The following MYT1L variants were observed in gnomAD, a reference collection of about 807,000 sequenced individuals.
The protein encoded by MYT1L is myelin transcription factor 1-like protein.
A neutral mutation model predicts 126.7 loss-of-function variants in MYT1L; 12 were observed. That is an observed-to-expected ratio of 0.09 (90% CI 0.06 to 0.15). The LOEUF (loss-of-function observed/expected upper bound fraction) is 0.15. Ranked by LOEUF, MYT1L falls within the 10% of genes least tolerant of loss-of-function variation. MYT1L has a pLI of 1.00. For missense variants in MYT1L, 979 were observed against 1,585.2 expected (o/e 0.62, Z 6.49); for synonymous variants, 541 against 604.2 (o/e 0.90, Z 1.53).
chr2:2,079,732 G>A (rs796273593), intron 3 of MYT1L, among the ~76,000 whole-genome samples: 18 of 152,130 alleles, frequency 1.2e-4, no homozygotes, highest in African/African-American at 2.4e-4. Context: ...GCGTGAACCC[G>A]GGAGGCGGAG....
At position 1,917,249 on chromosome 2, in the gene MYT1L, C is replaced by T. The variant is rs753426087; in HGVS notation, c.1574G>A (p.Arg525His). The T allele has an allele frequency of 6.2e-7, 1 of 1,613,608 alleles. No homozygotes were observed. Among genetic ancestry groups the T allele is most frequent in the South Asian group, 1.1e-5 (1 of 91,050 alleles). The change falls in exon 11 of 25, where the codon CGC becomes CAC. Residue 525 changes from arginine to histidine, a missense_variant. Around this residue, in one of 12 missense-constraint regions of MYT1L, gnomAD observed 8 missense variants for 52.3 expected, o/e 0.15. Coordinates refer to ENST00000647738, the MANE Select transcript of MYT1L (RefSeq NM_001303052.2). This position sits in a 1 kb window ranked among gnomAD's most constrained non-coding sequence, Gnocchi z 5.9. ...GHVTGLYPHH[R>H]SLSGCPHKDR... ...TTTGTGCGGGCATCCGGACAGGCTG[C>T]GGTGATGTGGGTACAGCCCAGTTAC...
rs184207236 is a variant in MYT1L, at chr2:2,189,463, C to T, written c.-420-16475G>A. 3.2e-3 allele frequency among the ~76,000 whole-genome samples: 481 copies of T among 152,296 alleles called. 3 individuals are homozygous for T. The highest frequency in any genetic ancestry group is 0.011 in the African/African-American group (460 of 41,560). ...AATTCAGCTGCTCTATTAAGACACG[C>T]ATGAAAGACATTTGCTAAATGTGAA... On this transcript the variant is annotated intron_variant, in intron 2 of 24. Transcript: ENST00000647738.
At chr2:2,103,485 G>A (rs2078357456) in intron 3 of MYT1L, among the ~76,000 whole-genome samples, 1 of 152,238 alleles carries the variant, frequency 6.6e-6, no homozygotes, top group Non-Finnish European at 1.5e-5. Context: ...GCAGAATGGA[G>A]GCGGCCATTC....
chr2:1,941,662 A>G (rs959200841), intron 9 of MYT1L, among the ~76,000 whole-genome samples: 1 of 143,232 alleles, frequency 7.0e-6, no homozygotes, highest in Admixed American at 6.9e-5. Flanking sequence ...TAATTTATGT[A>G]ATGCATGTGT....
chr2:2,087,813 C>T (rs1024030931), intron 3 of MYT1L, among the ~76,000 whole-genome samples: 1 of 152,192 alleles, frequency 6.6e-6, no homozygotes, highest in Non-Finnish European at 1.5e-5. Context: ...CCATGACATT[C>T]AAAACTAATC....
intron 4 of MYT1L, among the ~76,000 whole-genome samples, chr2:2,006,023 CGTTCTTTCCTGCAGGT>C (rs1204730859): frequency 4.1e-4 from 61 of 149,650 alleles, no homozygotes; most frequent in African/African-American, 1.4e-3. Flanking sequence ...TTCCTGCATG[CGTTCTTTCCTGCAGGT>C]GTTCTTTCCT....
chr2:1,818,068 G>A (rs2037958331), intron 21 of MYT1L, among the ~76,000 whole-genome samples: 3 of 127,344 alleles, frequency 2.4e-5, no homozygotes, highest in Non-Finnish European at 4.8e-5. Context: ...GCTTCAAACC[G>A]AGCTCCGGGA....
intron 18 of MYT1L, among the ~76,000 whole-genome samples, chr2:1,854,654 GA>G: frequency 1.3e-5 from 2 of 152,308 alleles, no homozygotes; most frequent in South Asian, 4.1e-4. Context: ...AAAATCATTG[GA>G]AGGAGGCTTT....
chr2:2,263,559 G>T (rs1299471743), intron 2 of MYT1L, among the ~76,000 whole-genome samples: 1 of 152,156 alleles, frequency 6.6e-6, no homozygotes, highest in African/African-American at 2.4e-5. Flanking sequence ...CTGGTGCTGG[G>T]GTTTGCAGCA....
intron 3 of MYT1L, among the ~76,000 whole-genome samples, chr2:2,169,298 G>A (rs893819607): frequency 3.3e-5 from 5 of 152,114 alleles, no homozygotes; most frequent in Non-Finnish European, 5.9e-5. Context: ...TTGTGTTTCC[G>A]CTCTCTCAAT....
chr2:2,169,082 A>C (rs2089615847), intron 3 of MYT1L, among the ~76,000 whole-genome samples: 1 of 152,218 alleles, frequency 6.6e-6, no homozygotes, highest in Non-Finnish European at 1.5e-5. Flanking sequence ...TATTATGTCC[A>C]TTTTACTGAT....
intron 2 of MYT1L, among the ~76,000 whole-genome samples, chr2:2,276,344 G>A (rs991429317): frequency 6.6e-6 from 1 of 152,188 alleles, no homozygotes; most frequent in African/African-American, 2.4e-5. Flanking sequence ...GCTTGTTACG[G>A]GATATTGAAG....
intron 4 of MYT1L, among the ~76,000 whole-genome samples, chr2:2,014,230 T>C (rs79234359): frequency 0.032 from 4,760 of 149,206 alleles, 128 homozygotes; most frequent in Non-Finnish European, 0.05. Context: ...TCAGAGAGAG[T>C]TCCACTGCCT....
chr2:1,838,349 A>G (rs2041183434), intron 21 of MYT1L, among the ~76,000 whole-genome samples: 1 of 152,188 alleles, frequency 6.6e-6, no homozygotes, highest in South Asian at 2.1e-4. Flanking sequence ...TATTCCTGTA[A>G]TCTGCATACC....
At position 2,270,100 on chromosome 2, in the gene MYT1L, T is replaced by G. The variant is rs1346121764; in HGVS notation, c.-421+14304A>C. Among the ~76,000 whole-genome samples, 6 of 152,294 alleles carry G rather than the reference T, an allele frequency of 3.9e-5. No homozygotes were observed. The East Asian group carries it at 1.2e-3, about 29-fold the overall frequency. On this transcript the variant is annotated intron_variant, in intron 2 of 24. Coordinates refer to ENST00000647738, the MANE Select transcript of MYT1L (RefSeq NM_001303052.2). ...CTTCATGAAGGGACTGGTGTCCTTT[T>G]AAGAAGGAAGAGAGAGCCAGCTCTG...
At chr2:2,010,928 T>C (rs2063764170) in intron 4 of MYT1L, among the ~76,000 whole-genome samples, 1 of 152,210 alleles carries the variant, frequency 6.6e-6, no homozygotes, top group African/African-American at 2.4e-5. Flanking sequence ...GAGAATCATC[T>C]TTTTAACCAA....
chr2:1,792,937 C>T (rs141914864), intron 23 of MYT1L, among the ~76,000 whole-genome samples: 2 of 149,828 alleles, frequency 1.3e-5, no homozygotes, highest in Non-Finnish European at 3.0e-5. Context: ...GAAGGACCTG[C>T]TGCCTATGCT....
chr2:2,185,517 C>CTGTGAG (rs2092027002), intron 2 of MYT1L, among the ~76,000 whole-genome samples: 3 of 138,716 alleles, frequency 2.2e-5, no homozygotes, highest in Admixed American at 7.2e-5. Context: ...TCCCGAGTCC[C>CTGTGAG]GCGTTCCTTC....
intron 8 of MYT1L, among the ~76,000 whole-genome samples, chr2:1,947,482 T>C (rs7569044): frequency 0.21 from 31,583 of 152,156 alleles, 6,218 homozygotes; most frequent in African/African-American, 0.51. Flanking sequence ...AGGGCATTGC[T>C]GTGGTGGGTG....
Sources: gnomAD v4.1 joint callset for allele counts (sites outside exome capture counted in the v4.1 genomes callset) on GRCh38, gnomAD v4.1.1 for gene constraint, gnomAD v4.1.1 regional missense constraint, Gnocchi (gnomAD v3.1) non-coding constraint, MANE v1.5 for transcripts, NCBI Gene and HGNC (gene_info 2026-07-23, HGNC 2026-07-21) for gene names.